The following MS4A6A variants were observed in gnomAD, a reference collection of about 807,000 sequenced individuals.
The protein encoded by MS4A6A is membrane-spanning 4-domains subfamily A member 6A.
In MS4A6A, 19 loss-of-function variants were observed where a neutral mutation model predicts 20.6. The observed-to-expected ratio is 0.92, with a 90% CI of 0.64 to 1.36. The LOEUF is 1.36. Ranked by LOEUF, MS4A6A falls within the 40% of genes most tolerant of loss-of-function variation. The pLI is 0.00. For missense variants in MS4A6A, 272 were observed against 261.1 expected, an observed-to-expected ratio of 1.04 and a Z score of -0.29; for synonymous variants, 108 against 105.0, an observed-to-expected ratio of 1.03 and a Z score of -0.17.
Position 60,172,885 on chromosome 11 carries a change from C to G in MS4A6A, c.*116G>C. On this transcript the variant is annotated 3_prime_UTR_variant, in exon 6 of 6. Coordinates refer to ENST00000528851, the MANE Select transcript of MS4A6A (RefSeq NM_022349.4). Reference sequence around the variant, plus strand: ...ATTGCCATCTGCTTTTCTTCTCTGTCTTCCATCACAATGCAAATGCCCTCC... The same window carrying G: ...ATTGCCATCTGCTTTTCTTCTCTGTGTTCCATCACAATGCAAATGCCCTCC... The G allele has an allele frequency of 1.9e-6, 3 of 1,541,910 alleles. No individual in the cohort carries two copies. The highest frequency in any genetic ancestry group is 2.6e-6 in the Non-Finnish European group (3 of 1,140,204).
downstream of MS4A6A, chr11:60,172,333 T>C: frequency 7.1e-6 from 11 of 1,549,444 alleles, no homozygotes; most frequent in Non-Finnish European, 9.6e-6. Flanking sequence ...TTTCCAACTG[T>C]ATACATAGAA....
chr11:60,181,271 C>T (rs1857119235), intron 2 of MS4A6A: 1 of 425,198 alleles, frequency 2.4e-6, no homozygotes. Context: ...TATACACATA[C>T]ACACAATATG....
Position 60,179,826 on chromosome 11 carries a change from C to T in MS4A6A, c.282+5G>A. On this transcript the variant is annotated splice_donor_5th_base_variant and intron_variant, in intron 3 of 5. Transcript: ENST00000528851. ...CATCCTGCCCTCCTCAGAAACTCTACTCACAAAAAAGGGTCCTATGAATGG... is the reference window on the plus strand; with the variant it reads ...CATCCTGCCCTCCTCAGAAACTCTATTCACAAAAAAGGGTCCTATGAATGG... 6.2e-7 allele frequency: 1 copy of T among 1,614,010 alleles called. No homozygotes were observed. Among genetic ancestry groups the T allele is most frequent in the Admixed American group, 1.7e-5 (1 of 60,008 alleles).
At chr11:60,182,024 T>C (rs984582637) in intron 1 of MS4A6A, among the ~76,000 whole-genome samples, 1 of 152,148 alleles carries the variant, frequency 6.6e-6, no homozygotes, top group African/African-American at 2.4e-5. Flanking sequence ...CACACAAAAT[T>C]TGCAATATGC....
Position 60,172,544 on chromosome 11 carries a change from A to G in MS4A6A, c.*457T>C. ...AATATAGCTTTAAAAAGGCAAACGA[A>G]TTTTAAGATCACCAGGGGCAAATGC... On this transcript the variant is annotated 3_prime_UTR_variant, in exon 6 of 6. Transcript: ENST00000528851. 8.8e-7 allele frequency: 1 copy of G among 1,134,978 alleles called. No individual in the cohort carries two copies. The highest frequency in any genetic ancestry group is 1.1e-6 in the Non-Finnish European group (1 of 923,270). 70.3% of individuals were successfully genotyped at this position (1,134,978 alleles called of 1,614,324 possible).
intron 4 of MS4A6A, 145 bp from the exon 5 acceptor site, chr11:60,175,756 G>A: frequency 1.2e-6 from 1 of 805,142 alleles, no homozygotes. Flanking sequence ...CCTCTCCAGT[G>A]TCCAGCAAAA....
intron 5 of MS4A6A, among the ~76,000 whole-genome samples, chr11:60,174,003 C>T (rs1260810613): frequency 1.3e-5 from 2 of 152,210 alleles, no homozygotes; most frequent in Admixed American, 6.5e-5. Flanking sequence ...TTGACAGAAT[C>T]TCTCTTATTT....
upstream of MS4A6A, chr11:60,183,788 G>A (rs2083849771): frequency 6.6e-6 from 1 of 152,394 alleles, no homozygotes; most frequent in Non-Finnish European, 1.5e-5. Flanking sequence ...CTCCAGAAAG[G>A]TTGGGCCCCT....
At chr11:60,179,418 A>G (rs1455757656) in intron 3 of MS4A6A, 2 of 474,750 alleles carry the variant, frequency 4.2e-6, no homozygotes, top group East Asian at 3.7e-5. Context: ...TCCTTCCTCC[A>G]TGATCCCCAC....
chr11:60,175,852 G>C (rs948466028), intron 4 of MS4A6A, among the ~76,000 whole-genome samples: 3 of 152,140 alleles, frequency 2.0e-5, no homozygotes, highest in African/African-American at 7.2e-5. Context: ...TGGTGTGGTA[G>C]AGAATGTTAC....
At chr11:60,180,374 A>C (rs1252341159) in intron 2 of MS4A6A, 3 of 175,934 alleles carry the variant, frequency 1.7e-5, no homozygotes, top group African/African-American at 7.1e-5. Context: ...CAGTATTGGC[A>C]GTGCAGAAGG....
intron 1 of MS4A6A, chr11:60,182,548 A>G (rs1857185809): frequency 6.6e-6 from 1 of 152,250 alleles, no homozygotes; most frequent in Non-Finnish European, 1.5e-5. Context: ...AAACAGCTGC[A>G]TGCAGTGGTA....
chr11:60,175,268 A>T, intron 5 of MS4A6A, 134 bp downstream of exon 5: 1 of 660,796 alleles, frequency 1.5e-6, no homozygotes, highest in Non-Finnish European at 2.6e-6. Context: ...GTCCCCTTTG[A>T]TTTACATAAA....
upstream of MS4A6A, chr11:60,183,856 G>T (rs1427359494): frequency 1.3e-5 from 2 of 152,308 alleles, no homozygotes; most frequent in Non-Finnish European, 2.9e-5. Context: ...GATTCAGCAG[G>T]ACCTAAATGA....
At position 60,173,092 on chromosome 11, in the gene MS4A6A, T is replaced by A. The variant is rs1251851432; in HGVS notation, c.587A>T (p.Glu196Val). 6.2e-7 allele frequency: 1 copy of A among 1,613,962 alleles called. No individual in the cohort carries two copies. The highest frequency in any genetic ancestry group is 8.5e-7 in the Non-Finnish European group (1 of 1,179,958). ...LSLMLICTLL[E>V]FCLAVLTAVL... Reference sequence around the variant, plus strand: ...AGCAGTGAGCACAGCTAGGCAGAATTCCAGCAGAGTGCAAATCAGCATCAG... The same window carrying A: ...AGCAGTGAGCACAGCTAGGCAGAATACCAGCAGAGTGCAAATCAGCATCAG... The change falls in exon 6 of 6, where the codon GAA becomes GTA. Residue 196 changes from glutamate to valine, a missense_variant. Transcript: ENST00000528851.
At chr11:60,172,202 T>C (rs1462202993), downstream of MS4A6A, 8 of 1,613,558 alleles carry the variant, frequency 5.0e-6, no homozygotes, top group African/African-American at 2.7e-5. Flanking sequence ...TGAGTCATTT[T>C]TGAGGACATG....
At chr11:60,180,997 G>A in intron 2 of MS4A6A, 3 of 452,876 alleles carry the variant, frequency 6.6e-6, no homozygotes, top group South Asian at 4.7e-5. Flanking sequence ...AAGTGCAGAG[G>A]CAATTCTAGA....
intron 3 of MS4A6A, 136 bp downstream of exon 3, chr11:60,179,695 C>T (rs996768797): frequency 2.0e-6 from 2 of 977,528 alleles, no homozygotes; most frequent in African/African-American, 3.2e-5. Context: ...TCCTACCCGA[C>T]AGGAGAACAA....
intron 4 of MS4A6A, chr11:60,177,860 T>TC (rs1856926340): frequency 4.6e-6 from 1 of 217,804 alleles, no homozygotes. Context: ...CATTTTTTTT[T>TC]CAAGGGTTGT....
Sources: allele counts gnomAD v4.1 joint callset (sites outside exome capture counted in the v4.1 genomes callset), GRCh38; gene constraint gnomAD v4.1.1; transcripts MANE v1.5; gene names NCBI Gene and HGNC (gene_info 2026-07-23, HGNC 2026-07-21).